Variants in TTC28 observed in about 807,000 individuals in gnomAD.
TTC28 encodes tetratricopeptide repeat domain 28, also known as tetratricopeptide repeat protein 28.
A neutral mutation model predicts 198.0 loss-of-function variants in TTC28; 61 were observed. The observed-to-expected ratio is 0.31, with a 90% CI of 0.25 to 0.38. The LOEUF (loss-of-function observed/expected upper bound fraction) is 0.38, where lower values mean the gene tolerates loss of function less well. Among genes scored for constraint, TTC28 ranks in the 10% least tolerant of loss-of-function variants. The probability of loss-of-function intolerance (pLI) is 1.00; values close to 1 mark genes in which losing one functional copy is unlikely to be tolerated. For synonymous variants in TTC28, 1,171 were observed against 1,297.8 expected (o/e 0.90, Z 2.10); for missense variants, 2,678 against 3,164.0 (o/e 0.85, Z 3.69).
chr22:28,398,902 T>C (rs2046857616), intron 2 of TTC28, among the ~76,000 whole-genome samples: 1 of 152,186 alleles, frequency 6.6e-6, no homozygotes, highest in Non-Finnish European at 1.5e-5. Context: ...TATATCCTTC[T>C]TGTTACTTCA....
At position 28,393,235 on chromosome 22, in the gene TTC28, C is replaced by T. The variant is rs562302688; in HGVS notation, c.382-86592G>A. On this transcript the variant is annotated intron_variant, in intron 2 of 22. Transcript: ENST00000397906. ...TCAGTTCTATGTAGGCAGAGTTCACCTCTAGCCAGATCTAGCACTTTTACA... is the reference window on the plus strand; with the variant it reads ...TCAGTTCTATGTAGGCAGAGTTCACTTCTAGCCAGATCTAGCACTTTTACA... Among the ~76,000 whole-genome samples the T allele has an allele frequency of 4.6e-5, 7 of 152,198 alleles. No individual in the cohort carries two copies. The South Asian group carries it at 1.5e-3, about 32-fold the overall frequency.
chr22:28,247,743 C>T (rs1930211720), intron 5 of TTC28, among the ~76,000 whole-genome samples: 1 of 152,092 alleles, frequency 6.6e-6, no homozygotes, highest in Admixed American at 6.6e-5. Context: ...GTCAACAAAA[C>T]AAACAGAGGT....
At chr22:28,067,041 T>A (rs1427967274) in intron 12 of TTC28, among the ~76,000 whole-genome samples, 2 of 152,182 alleles carry the variant, frequency 1.3e-5, no homozygotes, top group Non-Finnish European at 2.9e-5. Context: ...CACCTCTGTG[T>A]GCCTGTGGGA....
At chr22:28,128,266 C>T (rs1319582925) in intron 6 of TTC28, among the ~76,000 whole-genome samples, 2 of 151,602 alleles carry the variant, frequency 1.3e-5, no homozygotes, top group Non-Finnish European at 2.9e-5. Flanking sequence ...TGCAGTGAGC[C>T]GAGATTGCGC....
chr22:28,388,459 G>C (rs927123021), intron 2 of TTC28, among the ~76,000 whole-genome samples: 2 of 152,148 alleles, frequency 1.3e-5, no homozygotes, highest in African/African-American at 2.4e-5. Context: ...TCACGATATT[G>C]ATTCTTCCTA....
At chr22:28,374,445 T>G (rs553046338) in intron 2 of TTC28, among the ~76,000 whole-genome samples, 1 of 152,330 alleles carries the variant, frequency 6.6e-6, no homozygotes, top group Admixed American at 6.5e-5. Flanking sequence ...AAGTCCATTG[T>G]TGGTGAACAG....
intron 6 of TTC28, among the ~76,000 whole-genome samples, chr22:28,161,548 G>A (rs966084948): frequency 2.0e-5 from 3 of 152,052 alleles, no homozygotes; most frequent in African/African-American, 7.2e-5. Context: ...TAGCTACTCG[G>A]GAGGCTGAGG....
intron 2 of TTC28, among the ~76,000 whole-genome samples, chr22:28,361,596 A>G (rs2046160544): frequency 6.6e-6 from 1 of 152,230 alleles, no homozygotes; most frequent in African/African-American, 2.4e-5. Context: ...GTGCTGATGT[A>G]GAAGCTGCAG....
At chr22:28,148,163 G>T (rs1215208730) in intron 6 of TTC28, among the ~76,000 whole-genome samples, 2 of 152,172 alleles carry the variant, frequency 1.3e-5, no homozygotes, top group African/African-American at 4.8e-5. Flanking sequence ...ATAGGGCAAA[G>T]GACCATGTAA....
At chr22:28,640,835 T>TTAC (rs2051353151) in intron 1 of TTC28, among the ~76,000 whole-genome samples, 1 of 151,524 alleles carries the variant, frequency 6.6e-6, no homozygotes, top group African/African-American at 2.4e-5. Context: ...AAACATAGAG[T>TTAC]TACTATATGA....
chr22:28,570,423 T>C (rs1203339373), intron 2 of TTC28, among the ~76,000 whole-genome samples: 1 of 152,190 alleles, frequency 6.6e-6, no homozygotes, highest in Admixed American at 6.5e-5. Flanking sequence ...TGGATGGAGC[T>C]GGAGGCCATC....
intron 2 of TTC28, among the ~76,000 whole-genome samples, chr22:28,586,057 A>AGTGG (rs2050312784): frequency 2.0e-5 from 3 of 151,886 alleles, no homozygotes; most frequent in Non-Finnish European, 4.4e-5. Flanking sequence ...GAGGCGGTCA[A>AGTGG]ATCACGAGGT....
intron 2 of TTC28, among the ~76,000 whole-genome samples, chr22:28,583,204 T>C (rs2050257012): frequency 6.6e-6 from 1 of 152,284 alleles, no homozygotes; most frequent in Admixed American, 6.5e-5. Flanking sequence ...AAATCATTTT[T>C]TAAAAAAATG....
At chr22:28,203,396 A>G (rs1362478644) in intron 5 of TTC28, among the ~76,000 whole-genome samples, 1 of 152,156 alleles carries the variant, frequency 6.6e-6, no homozygotes, top group Non-Finnish European at 1.5e-5. Flanking sequence ...AAAAAATGGT[A>G]GCTATTTTTA....
chr22:28,201,966 G>C (rs186331858), intron 5 of TTC28, among the ~76,000 whole-genome samples: 1 of 152,156 alleles, frequency 6.6e-6, no homozygotes, highest in African/African-American at 2.4e-5. Context: ...AAATGAAATA[G>C]CCTACTATGA....
intron 5 of TTC28, among the ~76,000 whole-genome samples, chr22:28,172,294 C>A (rs1381735656): frequency 6.6e-6 from 1 of 152,078 alleles, no homozygotes; most frequent in African/African-American, 2.4e-5. Context: ...AAGCAGCAAG[C>A]CAGGAAAGAG....
chr22:28,166,236 A>AC (rs534244864), intron 5 of TTC28, among the ~76,000 whole-genome samples: 1 of 152,262 alleles, frequency 6.6e-6, no homozygotes, highest in Non-Finnish European at 1.5e-5. Flanking sequence ...GGAGACTTTA[A>AC]ACCCCACTGT....
intron 5 of TTC28, among the ~76,000 whole-genome samples, chr22:28,290,728 T>C (rs116716735): frequency 0.016 from 2,404 of 152,184 alleles, 85 homozygotes; most frequent in African/African-American, 0.056. Flanking sequence ...CTAGGCAACA[T>C]AGTGAGACCT....
chr22:28,434,460 G>A (rs540558946), intron 2 of TTC28, among the ~76,000 whole-genome samples: 1 of 152,272 alleles, frequency 6.6e-6, no homozygotes, highest in Admixed American at 6.5e-5. Context: ...GAGACAGGCG[G>A]ATCATTTGAG....
Sources: allele counts gnomAD v4.1 joint callset (sites outside exome capture counted in the v4.1 genomes callset), GRCh38; gene constraint gnomAD v4.1.1; transcripts MANE v1.5; gene names NCBI Gene and HGNC (gene_info 2026-07-23, HGNC 2026-07-21).